Variants in CCR9 observed in about 807,000 individuals in gnomAD.
The protein encoded by CCR9 is C-C chemokine receptor type 9.
A neutral mutation model predicts 8.7 loss-of-function variants in CCR9; 4 were observed. The ratio of observed to expected loss-of-function variants is 0.46; its 90% CI spans 0.23 to 1.06. The LOEUF is 1.06. CCR9 is among the 50% of genes least tolerant of loss of function. The pLI is 0.21. For synonymous variants in CCR9, 159 were observed against 168.8 expected (o/e 0.94, Z 0.45); for missense variants, 394 against 453.6 (o/e 0.87, Z 1.19).
chr3:45,897,651 A>G (rs1575302147), intron 2 of CCR9: 1 of 1,518,716 alleles, frequency 6.6e-7, no homozygotes. Flanking sequence ...AACACAGCTA[A>G]GTGATGCTGG....
chr3:45,893,168 T>G (rs961094750), intron 1 of CCR9, among the ~76,000 whole-genome samples: 1 of 151,078 alleles, frequency 6.6e-6, no homozygotes, highest in South Asian at 2.1e-4. Flanking sequence ...TTTTTTTTTT[T>G]GTTTGAGATG....
chr3:45,887,278 G>A (rs1230301108), intron 1 of CCR9, among the ~76,000 whole-genome samples: 1 of 144,944 alleles, frequency 6.9e-6, no homozygotes, highest in African/African-American at 2.7e-5. Context: ...TGTGTGTGAG[G>A]TTGTGTTACA....
intron 1 of CCR9, among the ~76,000 whole-genome samples, chr3:45,891,143 G>T (rs191559443): frequency 9.2e-5 from 14 of 152,290 alleles, no homozygotes; most frequent in African/African-American, 3.1e-4. Flanking sequence ...GTGTTTTCCT[G>T]GCCCCCAGAG....
chr3:45,899,831 G>A (rs892797771), intron 2 of CCR9, among the ~76,000 whole-genome samples: 2 of 152,104 alleles, frequency 1.3e-5, no homozygotes, highest in African/African-American at 4.8e-5. Context: ...ACATCTCAGG[G>A]TCTCATTTCC....
rs73830606 is a variant in CCR9 at position 45,893,026 on chromosome 3, C to G, written c.-28-1880C>G. 3.2e-3 allele frequency among the ~76,000 whole-genome samples: 494 copies of G among 152,314 alleles called. 3 individuals are homozygous for G. Among genetic ancestry groups the G allele is most frequent in the African/African-American group, 0.011 (455 of 41,570 alleles). Reference sequence around the variant, plus strand: ...AATATTAAAATGCAGAATGTAAGTTCTGACGTACATACACCCTTGCGAAGC... The same window carrying G: ...AATATTAAAATGCAGAATGTAAGTTGTGACGTACATACACCCTTGCGAAGC... On this transcript the variant is annotated intron_variant, in intron 1 of 2. Transcript: ENST00000357632.
Position 45,901,313 on chromosome 3 carries a change from G to A in CCR9, c.525G>A (p.Leu175=). The A allele has an allele frequency of 6.2e-7, 1 of 1,614,142 alleles. No individual in the cohort carries two copies. The highest frequency in any genetic ancestry group is 8.5e-7 in the Non-Finnish European group (1 of 1,180,022). The stretch of plus-strand genomic sequence containing the variant: ...TGGTTTGCTTTACCATCTGGGTATT[G>A]GCAGCTGCTCTCTGCATCCCAGAAA... ...SKMVCFTIWV[L]AAALCIPEIL... The change falls in exon 3 of 3, where the codon TTG becomes TTA. Residue 175 remains leucine, a synonymous_variant. Coordinates refer to ENST00000357632, the MANE Select transcript of CCR9 (RefSeq NM_031200.3). This position sits in a 1 kb window ranked among gnomAD's most constrained non-coding sequence, Gnocchi z 4.3.
In CCR9 at chr3:45,889,945, C is replaced by T. The variant is rs573217921; in HGVS notation, c.-29+3290C>T. Among the ~76,000 whole-genome samples, 6 of 151,472 alleles carry T rather than the reference C, an allele frequency of 4.0e-5. No homozygotes were observed. The South Asian group carries it at 1.3e-3, about 32-fold the overall frequency. On this transcript the variant is annotated intron_variant, in intron 1 of 2. Transcript: ENST00000357632. ...GTGAGAATACCAGTAGGGCAAATTC[C>T]AAGCAGATGCGCTGCAGAGTCAGAG...
Position 45,900,678 on chromosome 3 carries a change from G to T in CCR9, c.22-132G>T. The T allele has an allele frequency of 1.2e-6, 1 of 811,812 alleles. No individual in the cohort carries two copies. Among genetic ancestry groups the T allele is most frequent in the South Asian group, 1.7e-5 (1 of 59,068 alleles). 50.3% of individuals were successfully genotyped at this position (811,812 alleles called of 1,614,324 possible). ...GTCACAACCCAAGCAGATGTCCTCA[G>T]AATGCCTATGTGTCTTTGGCCTTAT... On this transcript the variant is annotated intron_variant, in intron 2 of 2. Coordinates refer to ENST00000357632, the MANE Select transcript of CCR9 (RefSeq NM_031200.3). The surrounding 1 kb of genome is among the most constrained non-coding windows in gnomAD (Gnocchi z 4.7).
In CCR9 at chr3:45,902,110, G is replaced by A. The variant is rs1057134027; in HGVS notation, c.*212G>A. The A allele has an allele frequency of 4.0e-6, 2 of 503,668 alleles. No homozygotes were observed. The highest frequency in any genetic ancestry group is 3.7e-5 in the Admixed American group (1 of 26,830). 31.2% of individuals were successfully genotyped at this position (503,668 alleles called of 1,614,324 possible). ...GGAGGCTGTTGATTGGCTCTTGACT[G>A]TGATGCCCGCAATTCTCAAAGGAGG... On this transcript the variant is annotated 3_prime_UTR_variant, in exon 3 of 3. Coordinates refer to ENST00000357632, the MANE Select transcript of CCR9 (RefSeq NM_031200.3).
chr3:45,901,754 G>A lies in CCR9; in HGVS notation c.966G>A (p.Glu322=). The A allele has an allele frequency of 6.2e-7, 1 of 1,614,170 alleles. No individual in the cohort carries two copies. The change falls in exon 3 of 3, where the codon GAG becomes GAA. Residue 322 remains glutamate (E), a synonymous_variant. Transcript: ENST00000357632. The surrounding 1 kb of genome is among the most constrained non-coding windows in gnomAD (Gnocchi z 4.3). ...CTGTTCTCTATGTTTTTGTGGGTGA[G>A]AGATTCCGCCGGGATCTCGTGAAAA... ...LNPVLYVFVG[E]RFRRDLVKTL...
chr3:45,892,598 A>G (rs1702221396), intron 1 of CCR9, among the ~76,000 whole-genome samples: 1 of 152,186 alleles, frequency 6.6e-6, no homozygotes, highest in African/African-American at 2.4e-5. Flanking sequence ...TAAAAAAACT[A>G]TCTACCAGTC....
Position 45,901,375 on chromosome 3 carries a change from C to T in CCR9, c.587C>T (p.Ala196Val). Residue 196 changes from alanine (A) to valine (V), a missense_variant, in exon 3 of 3, where the codon GCT becomes GTT. By Grantham distance (64) the Ala-to-Val change is moderately conservative. Coordinates refer to ENST00000357632, the MANE Select transcript of CCR9 (RefSeq NM_031200.3). This position sits in a 1 kb window ranked among gnomAD's most constrained non-coding sequence, Gnocchi z 4.3. Reference protein sequence around the residue: ...YSQIKEESGIAICTMVYPSDE... With the variant: ...YSQIKEESGIVICTMVYPSDE... ...CAAATCAAGGAGGAATCCGGCATTG[C>T]TATCTGCACCATGGTTTACCCTAGC... The T allele has an allele frequency of 1.9e-6, 3 of 1,614,192 alleles. No homozygotes were observed. Among genetic ancestry groups the T allele is most frequent in the Non-Finnish European group, 2.5e-6 (3 of 1,180,028 alleles).
rs1214019029 is a variant in CCR9, at chr3:45,902,796, C to T, written c.*898C>T. 6.0e-6 allele frequency: 1 copy of T among 167,040 alleles called. No individual in the cohort carries two copies. The highest frequency in any genetic ancestry group is 1.9e-4 in the East Asian group (1 of 5,198). The allele number at this position is 167,040 out of a possible 1,614,324, so 10.3% of individuals were successfully genotyped here. On this transcript the variant is annotated 3_prime_UTR_variant, in exon 3 of 3. Transcript: ENST00000357632. The stretch of plus-strand genomic sequence containing the variant: ...AGAAAATGGGCTGGTTCTTTTGGCC[C>T]TCTTCTTTCTGAGGCCCACTTTATT...
intron 1 of CCR9, among the ~76,000 whole-genome samples, chr3:45,892,413 A>G (rs144300103): frequency 6.6e-6 from 1 of 152,342 alleles, no homozygotes; most frequent in Non-Finnish European, 1.5e-5. Context: ...CTTTGAAGCA[A>G]CATGGATGGA....
At chr3:45,896,028 T>C (rs1702345247) in intron 2 of CCR9, among the ~76,000 whole-genome samples, 2 of 152,242 alleles carry the variant, frequency 1.3e-5, no homozygotes, top group African/African-American at 2.4e-5. Context: ...ATTTATGATA[T>C]GCTAATGATT....
chr3:45,897,835 C>T (rs538399936), intron 2 of CCR9, among the ~76,000 whole-genome samples: 131 of 152,158 alleles, frequency 8.6e-4, no homozygotes, highest in Admixed American at 2.3e-3. Context: ...GGAGCTGCAG[C>T]AGGAGGAGAG....
rs752711594 is a variant in CCR9, at chr3:45,901,886, A to T, written c.1098A>T (p.Ala366=). Residue 366 remains alanine, a synonymous_variant, in exon 3 of 3, where the codon GCA becomes GCT. Transcript: ENST00000357632. The surrounding 1 kb of genome is among the most constrained non-coding windows in gnomAD (Gnocchi z 4.3). The stretch of plus-strand genomic sequence containing the variant: ...TGTTGCTGGAGACAACCTCAGGAGC[A>T]CTCTCCCTCTGAGGGGTCTTCTCTG... ...SSMLLETTSG[A]LSL The T allele has an allele frequency of 3.8e-6, 6 of 1,594,386 alleles. No homozygotes were observed. Among genetic ancestry groups the T allele is most frequent in the Non-Finnish European group, 5.1e-6 (6 of 1,167,250 alleles).
At chr3:45,890,358 T>TATTTATATAA (rs1702139739) in intron 1 of CCR9, among the ~76,000 whole-genome samples, 2 of 81,588 alleles carry the variant, frequency 2.5e-5, no homozygotes, top group Non-Finnish European at 5.0e-5. Flanking sequence ...AACATATATA[T>TATTTATATAA]ATATATAACA....
At chr3:45,893,970 T>G (rs1439426721) in intron 1 of CCR9, among the ~76,000 whole-genome samples, 2 of 152,126 alleles carry the variant, frequency 1.3e-5, no homozygotes, top group Non-Finnish European at 2.9e-5. Flanking sequence ...AGCCAACAGG[T>G]TGGCTTTATA....
Sources: allele counts gnomAD v4.1 joint callset (sites outside exome capture counted in the v4.1 genomes callset), GRCh38; gene constraint gnomAD v4.1.1; non-coding constraint Gnocchi (gnomAD v3.1); transcripts MANE v1.5; gene names NCBI Gene and HGNC (gene_info 2026-07-23, HGNC 2026-07-21).